The following AGO2 variants were observed in gnomAD, a reference collection of about 807,000 sequenced individuals.
AGO2 encodes the protein argonaute RISC catalytic component 2, also known as protein argonaute-2.
In AGO2, 5 loss-of-function variants were observed where a neutral mutation model predicts 102.3. The ratio of observed to expected loss-of-function variants is 0.05; its 90% confidence interval spans 0.03 to 0.10. AGO2 has a LOEUF of 0.10. Ranked by LOEUF, AGO2 falls within the 10% of genes least tolerant of loss-of-function variation. The pLI is 1.00. For synonymous variants in AGO2, 449 were observed against 473.1 expected (o/e 0.95, Z 0.66); for missense variants, 541 against 1,183.7 (o/e 0.46, Z 7.97).
At chr8:140,565,211 G>C (rs936447740) in intron 3 of AGO2, among the ~76,000 whole-genome samples, 2 of 152,032 alleles carry the variant, frequency 1.3e-5, no homozygotes, top group Non-Finnish European at 2.9e-5. Flanking sequence ...AGGCTGAGGT[G>C]GGGGGATCAC....
intron 2 of AGO2, among the ~76,000 whole-genome samples, chr8:140,578,843 C>T (rs1205446553): frequency 2.6e-5 from 4 of 152,268 alleles, no homozygotes; most frequent in African/African-American, 9.6e-5. Flanking sequence ...CTTGCAGAAG[C>T]CGGAGCGTGT....
rs1248279963 is a variant in AGO2 at position 140,520,762 on chromosome 8, G to A, written c.*11282C>T. 1 of 151,488 alleles carries A rather than the reference G, an allele frequency of 6.6e-6. No homozygotes were observed. The highest frequency in any genetic ancestry group is 1.5e-5 in the Non-Finnish European group (1 of 67,976). 9.4% of individuals were successfully genotyped at this position (151,488 alleles called of 1,614,324 possible). On this transcript the variant is annotated 3_prime_UTR_variant, in exon 19 of 19. Coordinates refer to ENST00000220592, the MANE Select transcript of AGO2 (RefSeq NM_012154.5). Reference sequence around the variant, plus strand: ...TTAGAAATAAGTTATCCAACCTCTTGATGACATGGAGAAATGAATTAAGAA... The same window carrying A: ...TTAGAAATAAGTTATCCAACCTCTTAATGACATGGAGAAATGAATTAAGAA...
intron 1 of AGO2, among the ~76,000 whole-genome samples, chr8:140,610,226 C>A (rs572748685): frequency 1.3e-5 from 2 of 151,782 alleles, no homozygotes; most frequent in Non-Finnish European, 2.9e-5. Context: ...CAAACACCCC[C>A]AAAACCAAAA....
chr8:140,598,955 C>T (rs564379932), intron 1 of AGO2, among the ~76,000 whole-genome samples: 1 of 152,304 alleles, frequency 6.6e-6, no homozygotes, highest in East Asian at 1.9e-4. Context: ...AACGCGACAA[C>T]AGAGGCCACT....
chr8:140,636,482 G>A (rs2074409973), upstream of AGO2: 1 of 152,218 alleles, frequency 6.6e-6, no homozygotes. Flanking sequence ...AGGATTAGAA[G>A]GCAGAGGTTG....
chr8:140,600,358 C>T (rs747117409), intron 1 of AGO2, among the ~76,000 whole-genome samples: 8 of 152,282 alleles, frequency 5.3e-5, no homozygotes, highest in African/African-American at 1.2e-4. Context: ...CTGCAGCACA[C>T]GGAGGAGTCA....
In AGO2 at chr8:140,567,879, C is replaced by T. The variant is rs973998529; in HGVS notation, c.336+4933G>A. 2.2e-4 allele frequency among the ~76,000 whole-genome samples: 34 copies of T among 152,156 alleles called. No individual in the cohort carries two copies. The highest frequency in any genetic ancestry group is 8.2e-4 in the African/African-American group (34 of 41,446). ...GGGGCTCACGCCTGTAATCCCAGTA[C>T]CGTGGGAGGCCGAGGCGGGCTGGAT... is the stretch of plus-strand genomic sequence containing the variant. On this transcript the variant is annotated intron_variant, in intron 3 of 18. Transcript: ENST00000220592. This position sits in a 1 kb window ranked among gnomAD's most constrained non-coding sequence, Gnocchi z 5.0.
At chr8:140,585,388 C>A (rs1358607389) in intron 1 of AGO2, 77 bp from the exon 2 acceptor site, 2 of 1,497,336 alleles carry the variant, frequency 1.3e-6, no homozygotes, top group East Asian at 2.3e-5. Context: ...CGGCCCCAAG[C>A]CACTATATGC....
intron 1 of AGO2, among the ~76,000 whole-genome samples, chr8:140,587,127 C>A (rs1041337073): frequency 4.6e-5 from 7 of 152,184 alleles, no homozygotes; most frequent in African/African-American, 1.7e-4. Context: ...AGGGCTCAGG[C>A]TGACCCTATT....
chr8:140,544,738 G>A (rs1403322588), intron 13 of AGO2, among the ~76,000 whole-genome samples: 1 of 152,214 alleles, frequency 6.6e-6, no homozygotes, highest in Non-Finnish European at 1.5e-5. Flanking sequence ...GACGCTGAGA[G>A]GCCTCCACTC....
intron 1 of AGO2, among the ~76,000 whole-genome samples, chr8:140,600,636 C>T (rs996079222): frequency 6.6e-6 from 1 of 151,636 alleles, no homozygotes; most frequent in Non-Finnish European, 1.5e-5. Flanking sequence ...GCCGAGATTG[C>T]ACCACTGCAC....
In AGO2 at chr8:140,522,493, A is replaced by T. The variant is rs1159941626; in HGVS notation, c.*9551T>A. ...CAAATAAGACCTACGCCCAAATCAC[A>T]CTCTCCATCAGCCACACAGAAATCT... On this transcript the variant is annotated 3_prime_UTR_variant, in exon 19 of 19. Coordinates refer to ENST00000220592, the MANE Select transcript of AGO2 (RefSeq NM_012154.5). 1.4e-5 allele frequency: 2 copies of T among 147,030 alleles called. No individual in the cohort carries two copies. 9.1% of individuals were successfully genotyped at this position (147,030 alleles called of 1,614,324 possible). A position where few individuals can be genotyped will look rare whatever the true frequency, so the allele number is the denominator to read the frequency against.
chr8:140,570,834 A>G (rs1386390472), intron 3 of AGO2, among the ~76,000 whole-genome samples: 1 of 152,178 alleles, frequency 6.6e-6, no homozygotes. Flanking sequence ...GTGCACAGTT[A>G]ATTTCCACAA....
chr8:140,595,221 G>A (rs1454512801), intron 1 of AGO2, among the ~76,000 whole-genome samples: 1 of 152,148 alleles, frequency 6.6e-6, no homozygotes, highest in Admixed American at 6.5e-5. Context: ...CAGTGACACT[G>A]CTTCTCCATT....
intron 10 of AGO2, among the ~76,000 whole-genome samples, chr8:140,551,927 A>G (rs2073006469): frequency 6.6e-6 from 1 of 152,024 alleles, no homozygotes; most frequent in African/African-American, 2.4e-5. Context: ...GGATGGAGAG[A>G]TGGAGAGATG....
chr8:140,536,394 T>C (rs1477549019), intron 16 of AGO2, among the ~76,000 whole-genome samples: 1 of 151,332 alleles, frequency 6.6e-6, no homozygotes, highest in Non-Finnish European at 1.5e-5. Flanking sequence ...TGGCGCAGTC[T>C]CGGCTCACTG....
intron 1 of AGO2, among the ~76,000 whole-genome samples, chr8:140,600,691 A>T (rs1363112152): frequency 2.0e-5 from 3 of 151,662 alleles, no homozygotes; most frequent in Non-Finnish European, 1.5e-5. Context: ...AAAAAAAAAA[A>T]AAAATCCAAA....
chr8:140,577,867 A>C (rs994164086), intron 2 of AGO2, among the ~76,000 whole-genome samples: 1 of 152,218 alleles, frequency 6.6e-6, no homozygotes, highest in Non-Finnish European at 1.5e-5. Flanking sequence ...CCGCTCACTG[A>C]CGGTCCTGCA....
intron 3 of AGO2, chr8:140,572,536 G>T: frequency 3.2e-6 from 1 of 312,854 alleles, no homozygotes; most frequent in African/African-American, 2.2e-5. Flanking sequence ...TGTGGCTTGT[G>T]TTTAGCATGT....
Sources: gnomAD v4.1 joint callset for allele counts (sites outside exome capture counted in the v4.1 genomes callset) on GRCh38, gnomAD v4.1.1 for gene constraint, Gnocchi (gnomAD v3.1) non-coding constraint, MANE v1.5 for transcripts, NCBI Gene and HGNC (gene_info 2026-07-23, HGNC 2026-07-21) for gene names.